The following NDUFAF6 variants were observed in gnomAD, a reference collection of about 807,000 sequenced individuals.
NDUFAF6 encodes the protein NADH:ubiquinone oxidoreductase complex assembly factor 6.
In NDUFAF6, 45 loss-of-function variants were observed where a neutral mutation model predicts 40.8. The observed-to-expected ratio is 1.10, with a 90% CI of 0.87 to 1.42. NDUFAF6 has a LOEUF of 1.42. Among genes scored for constraint, NDUFAF6 ranks in the 40% most tolerant of loss-of-function variants. NDUFAF6 has a pLI of 0.00. For missense variants in NDUFAF6, 435 were observed against 418.5 expected, an observed-to-expected ratio of 1.04 and a Z score of -0.34; for synonymous variants, 185 against 155.9, an observed-to-expected ratio of 1.19 and a Z score of -1.39.
intron 2 of NDUFAF6, among the ~76,000 whole-genome samples, chr8:94,997,485 G>GA (rs1826509675): frequency 6.6e-6 from 1 of 152,258 alleles, no homozygotes; most frequent in Admixed American, 6.5e-5. Context: ...AGCCATGAAT[G>GA]TATTTTTGAC....
At chr8:94,926,472 A>T (rs1409849222) in intron 1 of NDUFAF6, 1 of 152,166 alleles carries the variant, frequency 6.6e-6, no homozygotes, top group Non-Finnish European at 1.5e-5. Context: ...CTGGAGGAAA[A>T]TACAAGCAAA....
At chr8:95,051,350 T>C (rs1831403764) in intron 7 of NDUFAF6, among the ~76,000 whole-genome samples, 1 of 151,740 alleles carries the variant, frequency 6.6e-6, no homozygotes, top group South Asian at 2.1e-4. Context: ...GAAAGAGGAG[T>C]ATCAGAGTTT....
At chr8:95,092,667 C>T (rs906874870) in intron 2 of NDUFAF6, among the ~76,000 whole-genome samples, 14 of 151,494 alleles carry the variant, frequency 9.2e-5, no homozygotes, top group Non-Finnish European at 1.9e-4. Context: ...TCACTGCAAC[C>T]TCCGCCTCCC....
intron 1 of NDUFAF6, among the ~76,000 whole-genome samples, chr8:94,905,308 G>T (rs549511377): frequency 2.0e-5 from 3 of 148,908 alleles, no homozygotes; most frequent in African/African-American, 7.4e-5. Context: ...TTTTTTCTGG[G>T]AGAACCTTTT....
chr8:95,110,431 G>A (rs992936522), intron 4 of NDUFAF6, among the ~76,000 whole-genome samples: 1 of 152,178 alleles, frequency 6.6e-6, no homozygotes, highest in African/African-American at 2.4e-5. Context: ...GATGTACAGT[G>A]TTGGACACAT....
At chr8:94,925,888 C>T (rs535592544) in intron 1 of NDUFAF6, 12 of 67,170 alleles carry the variant, frequency 1.8e-4, no homozygotes, top group African/African-American at 4.2e-4. Context: ...GTATTAAATA[C>T]ATCTTTTGGA....
chr8:95,015,082 C>T (rs935341747), intron 2 of NDUFAF6, among the ~76,000 whole-genome samples: 3 of 152,238 alleles, frequency 2.0e-5, no homozygotes, highest in African/African-American at 7.2e-5. Context: ...GAGAGCGGAC[C>T]CACAGGTTGG....
chr8:95,011,296 C>T (rs575565913), intron 2 of NDUFAF6, among the ~76,000 whole-genome samples: 1 of 152,316 alleles, frequency 6.6e-6, no homozygotes, highest in South Asian at 2.1e-4. Context: ...TGTCCCTTTC[C>T]CAAAGAGACA....
upstream of NDUFAF6, among the ~76,000 whole-genome samples, chr8:95,099,283 A>G (rs1465677029): frequency 6.6e-6 from 1 of 151,448 alleles, no homozygotes; most frequent in Non-Finnish European, 1.5e-5. Context: ...TTCAGAGTAT[A>G]TTCTTTCTTC....
At position 95,035,564 on chromosome 8, in the gene NDUFAF6, TGAAC is replaced by T; in HGVS notation, c.409_412del (p.Glu137TyrfsTer10). The T allele has an allele frequency of 6.3e-7, 1 of 1,591,880 alleles. No individual in the cohort carries two copies. Among genetic ancestry groups the T allele is most frequent in the Non-Finnish European group, 8.5e-7 (1 of 1,174,250 alleles). On this transcript the variant is annotated frameshift_variant, in exon 3 of 9. Coordinates refer to ENST00000396124, the MANE Select transcript of NDUFAF6 (RefSeq NM_152416.4). LOFTEE classifies it high-confidence loss of function. Reference sequence around the variant, plus strand: ...ATCCACCACATCAGCCTGTGGCCATTGAACTATGGAAGGTAAAAAAAAAAAAATA... The same window carrying T: ...ATCCACCACATCAGCCTGTGGCCATTTATGGAAGGTAAAAAAAAAAAAATA...
At chr8:94,983,423 G>T (rs1353855662) in intron 2 of NDUFAF6, among the ~76,000 whole-genome samples, 1 of 151,814 alleles carries the variant, frequency 6.6e-6, no homozygotes, top group Non-Finnish European at 1.5e-5. Context: ...CGCCACCACT[G>T]CCTGGCTAAT....
intron 1 of NDUFAF6, among the ~76,000 whole-genome samples, chr8:94,909,348 C>CAAAAAAAAAAAAAAAAAA (rs556065794): frequency 2.2e-5 from 2 of 91,914 alleles, no homozygotes; most frequent in Non-Finnish European, 4.0e-5. Context: ...GACTCCGTCT[C>CAAAAAAAAAAAAAAAAAA]AAAAAAAAAA....
chr8:94,990,532 A>T (rs558953824), intron 2 of NDUFAF6, among the ~76,000 whole-genome samples: 1 of 152,190 alleles, frequency 6.6e-6, no homozygotes, highest in African/African-American at 2.4e-5. Context: ...CCAAAAAAAA[A>T]ATCCTTGTCA....
intron 2 of NDUFAF6, chr8:95,034,194 A>C: frequency 2.5e-6 from 1 of 402,446 alleles, no homozygotes; most frequent in Admixed American, 2.9e-5. Context: ...TTCTGTCTAC[A>C]TATGTATATA....
At chr8:95,077,395 A>G (rs1395399365), downstream of NDUFAF6, among the ~76,000 whole-genome samples, 5 of 152,136 alleles carry the variant, frequency 3.3e-5, no homozygotes, top group East Asian at 3.9e-4. Flanking sequence ...TCCAAACCCT[A>G]TATATACTAT....
At chr8:95,024,063 A>G (rs975747456), upstream of NDUFAF6, among the ~76,000 whole-genome samples, 3 of 152,170 alleles carry the variant, frequency 2.0e-5, no homozygotes, top group East Asian at 1.9e-4. Flanking sequence ...TGATAAATAC[A>G]TCTTCCTAAG....
chr8:95,094,434 A>T (rs1587268568), intron 2 of NDUFAF6, among the ~76,000 whole-genome samples: 1 of 98,622 alleles, frequency 1.0e-5, no homozygotes, highest in Non-Finnish European at 1.9e-5. Flanking sequence ...TTTTTTTGAG[A>T]CAGAGTCTCA....
intron 1 of NDUFAF6, among the ~76,000 whole-genome samples, chr8:94,962,803 T>TTG (rs397953805): frequency 2.0e-5 from 3 of 150,930 alleles, no homozygotes; most frequent in Non-Finnish European, 3.0e-5. Context: ...TTTTTTTTTT[T>TTG]GTTTGGAGAT....
chr8:95,107,114 C>T (rs902360180), downstream of NDUFAF6, among the ~76,000 whole-genome samples: 1 of 152,174 alleles, frequency 6.6e-6, no homozygotes, highest in African/African-American at 2.4e-5. Flanking sequence ...TACCATTTGT[C>T]CCAGCAACCC....
Sources: allele counts gnomAD v4.1 joint callset (sites outside exome capture counted in the v4.1 genomes callset), GRCh38; gene constraint gnomAD v4.1.1; transcripts MANE v1.5; gene names NCBI Gene and HGNC (gene_info 2026-07-23, HGNC 2026-07-21).